The following PLEKHH2 variants were observed in gnomAD, a reference collection of about 807,000 sequenced individuals.
PLEKHH2 encodes pleckstrin homology, MyTH4 and FERM domain containing H2, also known as pleckstrin homology domain-containing family H member 2.
In PLEKHH2, 129 loss-of-function variants were observed where a neutral mutation model predicts 187.9. The ratio of observed to expected loss-of-function variants is 0.69; its 90% CI spans 0.59 to 0.79. PLEKHH2 has a LOEUF of 0.79. Ranked by LOEUF, PLEKHH2 falls within the 30% of genes least tolerant of loss-of-function variation. The pLI, the probability that PLEKHH2 is intolerant of heterozygous loss-of-function variation, is 0.00. For synonymous variants in PLEKHH2, 686 were observed against 605.6 expected, an observed-to-expected ratio of 1.13 and a Z score of -1.95; for missense variants, 2,076 against 1,751.2, an observed-to-expected ratio of 1.19 and a Z score of -3.31.
At chr2:43,728,823 A>G (rs954389795) in intron 17 of PLEKHH2, among the ~76,000 whole-genome samples, 1 of 152,070 alleles carries the variant, frequency 6.6e-6, no homozygotes, top group South Asian at 2.1e-4. Context: ...TGGCCTCTCA[A>G]AGTGCTGGGA....
At chr2:43,757,418 CTT>C (rs1193508390) in intron 26 of PLEKHH2, among the ~76,000 whole-genome samples, 154 bp downstream of exon 26, 1 of 134,942 alleles carries the variant, frequency 7.4e-6, no homozygotes, top group Non-Finnish European at 1.6e-5. Context: ...GATTTTTTTT[CTT>C]TCTTTTTTTT....
intron 16 of PLEKHH2, 147 bp from the exon 17 acceptor site, chr2:43,726,124 CA>C (rs3066315): frequency 0.088 from 39,931 of 453,222 alleles, 9 homozygotes; most frequent in East Asian, 0.17. Flanking sequence ...AACCCTGTCT[CA>C]AAAAAAAAAA....
At chr2:43,725,064 G>A (rs1435222097) in intron 16 of PLEKHH2, among the ~76,000 whole-genome samples, 1 of 152,192 alleles carries the variant, frequency 6.6e-6, no homozygotes, top group Admixed American at 6.5e-5. Flanking sequence ...AAAGATGTCA[G>A]GGTTTTTATA....
At position 43,644,738 on chromosome 2, in the gene PLEKHH2, C is replaced by A; in HGVS notation, c.65C>A (p.Ser22Tyr). 1 of 1,609,522 alleles carries A rather than the reference C, an allele frequency of 6.2e-7. No homozygotes were observed. Among genetic ancestry groups the A allele is most frequent in the East Asian group, 2.2e-5 (1 of 44,700 alleles). ...AAGGAACGATGTGTAGCTCTGGAGT[C>A]CCAACTCATGAAATTTAGAGTTCAA... ...DWKERCVALESQLMKFRVQAS... is the reference protein window; with the variant it reads ...DWKERCVALEYQLMKFRVQAS... The change falls in exon 2 of 30, where the codon TCC becomes TAC. Residue 22 changes from serine (S) to tyrosine (Y), a missense_variant. Transcript: ENST00000282406.
intron 25 of PLEKHH2, among the ~76,000 whole-genome samples, 195 bp from the exon 26 acceptor site, chr2:43,756,923 CA>C (rs927215551): frequency 6.1e-5 from 9 of 146,384 alleles, no homozygotes; most frequent in East Asian, 2.0e-4. Context: ...GACTCCGTCT[CA>C]AAAAAAAAAT....
intron 6 of PLEKHH2, among the ~76,000 whole-genome samples, chr2:43,696,513 A>G (rs937772779): frequency 2.0e-5 from 3 of 151,116 alleles, no homozygotes; most frequent in Non-Finnish European, 4.4e-5. Flanking sequence ...AGTCCAAGAG[A>G]TGAATTAAAT....
In PLEKHH2 at chr2:43,758,999, A is replaced by G. The variant is rs201780186; in HGVS notation, c.4041A>G (p.Pro1347=). 1 of 1,612,868 alleles carries G rather than the reference A, an allele frequency of 6.2e-7. No homozygotes were observed. The highest frequency in any genetic ancestry group is 1.1e-5 in the South Asian group (1 of 90,928). The change falls in exon 27 of 30, where the codon CCA becomes CCG. Residue 1347 remains proline (P), a synonymous_variant. Coordinates refer to ENST00000282406, the MANE Select transcript of PLEKHH2 (RefSeq NM_172069.4). ...RIYLTVARKW[P]FFGAKLFLAK... is the part of the protein sequence containing the mutation. ...ATTTGACAGTAGCCAGGAAGTGGCC[A>G]TTCTTTGGTGCCAAGTTGTTTCTTG...
chr2:43,675,618 CTCTGCATTT>C, intron 2 of PLEKHH2: 7 of 1,613,646 alleles, frequency 4.3e-6, no homozygotes, highest in Non-Finnish European at 5.9e-6. Context: ...CTTCATAATC[CTCTGCATTT>C]TCTGCATGAA....
At chr2:43,654,707 C>A (rs560914735) in intron 2 of PLEKHH2, among the ~76,000 whole-genome samples, 6 of 37,910 alleles carry the variant, frequency 1.6e-4, no homozygotes, top group East Asian at 9.4e-4. Flanking sequence ...GTAAGACACC[C>A]CCCCCCCCCG....
intron 27 of PLEKHH2, among the ~76,000 whole-genome samples, chr2:43,761,489 C>T (rs1351903320): frequency 6.7e-6 from 1 of 149,836 alleles, no homozygotes; most frequent in Non-Finnish European, 1.5e-5. Flanking sequence ...CAGCTCACTG[C>T]AGCCTGCGCC....
rs1669138090 is a variant in PLEKHH2, at chr2:43,697,247, T to G, written c.579T>G (p.Phe193Leu). 6.2e-7 allele frequency: 1 copy of G among 1,613,972 alleles called. No individual in the cohort carries two copies. The highest frequency in any genetic ancestry group is 1.3e-5 in the African/African-American group (1 of 75,038). ...SEGQRLSSLT[F>L]GCFLSRARSP... is the part of the protein sequence containing the mutation. ...GCCAGCGCCTGAGCAGTTTGACCTT[T>G]GGGTGCTTTTTATCTCGAGCAAGGA... The change falls in exon 7 of 30, where the codon TTT (phenylalanine) becomes TTG (leucine). Residue 193 changes from phenylalanine to leucine, a missense_variant. Phe to Leu is a conservative substitution (Grantham distance 22). Transcript: ENST00000282406.
chr2:43,712,310 T>C lies in PLEKHH2; in HGVS notation c.2387T>C (p.Leu796Pro). The change falls in exon 15 of 30, where the codon CTT (leucine) becomes CCT (proline). Residue 796 changes from leucine (L) to proline (P), a missense_variant. Physicochemically the swap from Leu to Pro is moderately conservative, Grantham distance 98. Transcript: ENST00000282406. Reference sequence around the variant, plus strand: ...TGGATTAAAGTGTTACAGAATGTTCTTCGAGTACAAGCTGCCAACCCACTT... The same window carrying C: ...TGGATTAAAGTGTTACAGAATGTTCCTCGAGTACAAGCTGCCAACCCACTT... ...EEWIKVLQNV[L>P]RVQAANPLSL... The C allele has an allele frequency of 6.2e-7, 1 of 1,613,972 alleles. No homozygotes were observed. Among genetic ancestry groups the C allele is most frequent in the Non-Finnish European group, 8.5e-7 (1 of 1,179,850 alleles).
intron 15 of PLEKHH2, among the ~76,000 whole-genome samples, chr2:43,715,439 G>T (rs904192151): frequency 1.3e-5 from 2 of 152,144 alleles, no homozygotes; most frequent in Admixed American, 6.5e-5. Context: ...ACCCTGCAGG[G>T]TTTGTAACAG....
intron 24 of PLEKHH2, among the ~76,000 whole-genome samples, chr2:43,747,109 C>CCCTCTCTCTCTCTCTCTCTCTCTCCCT (rs1671814983): frequency 7.9e-6 from 1 of 126,190 alleles, no homozygotes; most frequent in African/African-American, 3.2e-5. Flanking sequence ...TCTCTCTCTC[C>CCCTCTCTCTCTCTCTCTCTCTCTCCCT]CTCTCTCTCT....
At chr2:43,645,039 A>G (rs1666120879) in intron 2 of PLEKHH2, among the ~76,000 whole-genome samples, 1 of 152,140 alleles carries the variant, frequency 6.6e-6, no homozygotes, top group African/African-American at 2.4e-5. Flanking sequence ...GAGTTCATTC[A>G]TTCCAGAGAG....
intron 11 of PLEKHH2, among the ~76,000 whole-genome samples, chr2:43,709,259 T>C (rs1202902404): frequency 6.6e-6 from 1 of 152,226 alleles, no homozygotes; most frequent in Non-Finnish European, 1.5e-5. Flanking sequence ...CTTATGGAAC[T>C]TGAATGAAAA....
At chr2:43,710,992 CA>C (rs1314377516) in intron 14 of PLEKHH2, 1 of 998,160 alleles carries the variant, frequency 1.0e-6, no homozygotes, top group Non-Finnish European at 1.2e-6. Flanking sequence ...ATATGAACTT[CA>C]GATGCCATAA....
In PLEKHH2 at chr2:43,743,961, T is replaced by C. The variant is rs1444409662; in HGVS notation, c.3527T>C (p.Leu1176Ser). ...ACTGACGATCCTTCTGGCAGAGATT[T>C]AGAGCATTGTCTTCAAGGAAACATC... ...LFTDDPSGRD[L>S]EHCLQGNIKI... The change falls in exon 23 of 30, where the codon TTA becomes TCA. Residue 1176 changes from leucine to serine, a missense_variant. Physicochemically the swap from Leu to Ser is moderately radical, Grantham distance 145. Coordinates refer to ENST00000282406, the MANE Select transcript of PLEKHH2 (RefSeq NM_172069.4). 8 of 1,614,060 alleles carry C rather than the reference T, an allele frequency of 5.0e-6. No individual in the cohort carries two copies. The highest frequency in any genetic ancestry group is 6.8e-6 in the Non-Finnish European group (8 of 1,179,956).
intron 7 of PLEKHH2, among the ~76,000 whole-genome samples, chr2:43,699,198 A>G (rs1302705370): frequency 1.5e-5 from 2 of 131,192 alleles, no homozygotes; most frequent in Non-Finnish European, 3.2e-5. Context: ...ATCTCTCTTT[A>G]GACTCTCAGT....
Sources: allele counts gnomAD v4.1 joint callset (sites outside exome capture counted in the v4.1 genomes callset), GRCh38; gene constraint gnomAD v4.1.1; transcripts MANE v1.5; gene names NCBI Gene and HGNC (gene_info 2026-07-23, HGNC 2026-07-21).